The following MTERF3 variants were observed in gnomAD, a reference collection of about 807,000 sequenced individuals.
MTERF3 encodes the protein mitochondrial transcription termination factor 3.
Under a neutral mutation model 40.5 loss-of-function variants are expected in MTERF3, and 40 were observed. The ratio of observed to expected loss-of-function variants is 0.99; its 90% CI spans 0.77 to 1.29. MTERF3 has a LOEUF of 1.29. Among genes scored for constraint, MTERF3 ranks in the 50% most tolerant of loss-of-function variants. The probability of loss-of-function intolerance (pLI) is 0.00; values close to 1 mark genes in which losing one functional copy is unlikely to be tolerated. For synonymous variants in MTERF3, 158 were observed against 166.6 expected (o/e 0.95, Z 0.40); for missense variants, 452 against 478.2 (o/e 0.95, Z 0.51).
intron 4 of MTERF3, among the ~76,000 whole-genome samples, chr8:96,246,766 C>A (rs1159893590): frequency 3.9e-5 from 6 of 152,000 alleles, no homozygotes; most frequent in Non-Finnish European, 5.9e-5. Context: ...TTGCACCAAC[C>A]TTTAGATTCT....
intron 7 of MTERF3, 42 bp from the exon 8 acceptor site, chr8:96,239,727 G>C (rs1809887121): frequency 6.7e-7 from 1 of 1,483,652 alleles, no homozygotes; most frequent in Non-Finnish European, 9.1e-7. Flanking sequence ...CTGCACACGG[G>C]AGGATGAAAT....
In MTERF3 at chr8:96,250,681, A is replaced by AAGAAGAAGG. The variant is rs1195195158; in HGVS notation, c.677+224_677+225insCCTTCTTCT. Among the ~76,000 whole-genome samples, 79 of 23,302 alleles carry AAGAAGAAGG rather than the reference A, an allele frequency of 3.4e-3. 3 individuals are homozygous for AAGAAGAAGG. The highest frequency in any genetic ancestry group is 4.3e-3 in the East Asian group (4 of 938). The allele number at this position is 23,302 out of a possible 152,430, so 15.3% of individuals were successfully genotyped here. On this transcript the variant is annotated intron_variant, in intron 4 of 7. Coordinates refer to ENST00000287025, the MANE Select transcript of MTERF3 (RefSeq NM_015942.5). ...GAAGAAGAAGAAGAAGAAGAAGAAG[A>AAGAAGAAGG]AGGAGGAGGAGGAGGGGGGGAGGGG...
intron 2 of MTERF3, 113 bp downstream of exon 2, chr8:96,258,238 ATTCTTT>A: frequency 7.0e-7 from 1 of 1,424,172 alleles, no homozygotes; most frequent in Non-Finnish European, 9.2e-7. Flanking sequence ...AACTGGTATT[ATTCTTT>A]TTCTTTCTTG....
intron 4 of MTERF3, among the ~76,000 whole-genome samples, chr8:96,247,763 A>G (rs900887981): frequency 6.6e-6 from 1 of 152,182 alleles, no homozygotes; most frequent in Non-Finnish European, 1.5e-5. Flanking sequence ...ATGGCAAAAC[A>G]AAACAAAACA....
In MTERF3 at chr8:96,243,909, G is replaced by A. The variant is rs780999196; in HGVS notation, c.1059+10C>T. On this transcript the variant is annotated intron_variant, in intron 7 of 7. Transcript: ENST00000287025. ...GCAGCGCTTACAGAGAGAGCTGTGAGTGGCATTACCTGTGGGAACTTGACA... is the reference window on the plus strand; with the variant it reads ...GCAGCGCTTACAGAGAGAGCTGTGAATGGCATTACCTGTGGGAACTTGACA... 6.2e-7 allele frequency: 1 copy of A among 1,612,818 alleles called. No homozygotes were observed. The highest frequency in any genetic ancestry group is 1.1e-5 in the South Asian group (1 of 90,836).
chr8:96,246,499 C>CTT (rs371629026), intron 4 of MTERF3, 45 bp from the exon 5 acceptor site: 2 of 1,437,288 alleles, frequency 1.4e-6, no homozygotes, highest in Admixed American at 2.3e-5. Context: ...CACTTACATT[C>CTT]TTTTTTTTTG....
chr8:96,244,684 C>T (rs1184488672), intron 6 of MTERF3, among the ~76,000 whole-genome samples: 1 of 152,210 alleles, frequency 6.6e-6, no homozygotes, highest in Non-Finnish European at 1.5e-5. Context: ...AGGCATGAGC[C>T]ACCACGCCTG....
chr8:96,253,781 G>C (rs1324966766), intron 3 of MTERF3, among the ~76,000 whole-genome samples: 1 of 151,470 alleles, frequency 6.6e-6, no homozygotes, highest in Non-Finnish European at 1.5e-5. Flanking sequence ...CGAGGTGGGA[G>C]GAAAGCTTGA....
At chr8:96,247,254 A>G (rs1300322072) in intron 4 of MTERF3, among the ~76,000 whole-genome samples, 1 of 152,180 alleles carries the variant, frequency 6.6e-6, no homozygotes, top group African/African-American at 2.4e-5. Flanking sequence ...ATTACACTTG[A>G]GTGACCATGC....
chr8:96,255,975 G>A (rs892801466), intron 3 of MTERF3, among the ~76,000 whole-genome samples: 8 of 152,158 alleles, frequency 5.3e-5, no homozygotes, highest in African/African-American at 1.7e-4. Context: ...GATTAGAGGT[G>A]AGGTACAGAC....
At chr8:96,240,439 CCTCT>C (rs147944576) in intron 7 of MTERF3, among the ~76,000 whole-genome samples, 5,604 of 152,110 alleles carry the variant, frequency 0.037, 133 homozygotes, top group Middle Eastern at 0.095. Flanking sequence ...ATCTGTAACA[CCTCT>C]CTCTCTCCCT....
intron 3 of MTERF3, among the ~76,000 whole-genome samples, chr8:96,252,092 G>C (rs1247296792): frequency 6.6e-6 from 1 of 152,196 alleles, no homozygotes; most frequent in Admixed American, 6.5e-5. Flanking sequence ...TGCCACGTGA[G>C]ACGTGCCTTT....
At chr8:96,241,420 A>AAAAAAAC (rs555673198) in intron 7 of MTERF3, among the ~76,000 whole-genome samples, 34 of 151,882 alleles carry the variant, frequency 2.2e-4, no homozygotes, top group South Asian at 2.1e-3. Context: ...AAAAAAAACA[A>AAAAAAAC]AAAAAACAAA....
chr8:96,249,212 T>A (rs1233747614), intron 4 of MTERF3, among the ~76,000 whole-genome samples: 1 of 152,212 alleles, frequency 6.6e-6, no homozygotes, highest in African/African-American at 2.4e-5. Flanking sequence ...CTACTTATAC[T>A]AACGGTGTGT....
At chr8:96,254,130 T>C (rs1358983507) in intron 3 of MTERF3, among the ~76,000 whole-genome samples, 3 of 152,224 alleles carry the variant, frequency 2.0e-5, no homozygotes, top group African/African-American at 7.2e-5. Context: ...GCAGACATCA[T>C]CTTTTTCCTG....
intron 3 of MTERF3, among the ~76,000 whole-genome samples, chr8:96,256,313 AGTGTG>A (rs1586172757): frequency 6.6e-6 from 1 of 152,174 alleles, no homozygotes; most frequent in East Asian, 1.9e-4. Flanking sequence ...AGGTCGGGGT[AGTGTG>A]ACAAGCAGGG....
chr8:96,260,878 T>C (rs901841230), intron 1 of MTERF3, among the ~76,000 whole-genome samples: 6 of 152,226 alleles, frequency 3.9e-5, no homozygotes, highest in Admixed American at 6.5e-5. Flanking sequence ...TGTACTGCTC[T>C]AATGTTTGCG....
At chr8:96,255,302 G>A (rs534892733) in intron 3 of MTERF3, among the ~76,000 whole-genome samples, 4 of 152,170 alleles carry the variant, frequency 2.6e-5, no homozygotes, top group African/African-American at 9.7e-5. Context: ...CATAGGATAA[G>A]CTATTAAATT....
At chr8:96,260,305 GT>G (rs1563554312) in intron 1 of MTERF3, 2 of 152,162 alleles carry the variant, frequency 1.3e-5, no homozygotes, top group African/African-American at 4.8e-5. Flanking sequence ...AATGTGCCAA[GT>G]TTTCCCTCAA....
Sources: allele counts gnomAD v4.1 joint callset (sites outside exome capture counted in the v4.1 genomes callset), GRCh38; gene constraint gnomAD v4.1.1; transcripts MANE v1.5; gene names NCBI Gene and HGNC (gene_info 2026-07-23, HGNC 2026-07-21).